WASF3: variants seen among roughly 807,000 people sequenced by gnomAD.
WASF3 encodes WASP family member 3, also known as actin-binding protein WASF3.
In WASF3, 11 loss-of-function variants were observed where a neutral mutation model predicts 46.6. The observed-to-expected ratio is 0.24, with a 90% CI of 0.15 to 0.39. The LOEUF (loss-of-function observed/expected upper bound fraction) is 0.39. WASF3 is among the 10% of genes least tolerant of loss of function. WASF3 has a pLI of 1.00. For synonymous variants in WASF3, 242 were observed against 259.7 expected (o/e 0.93, Z 0.65); for missense variants, 576 against 669.8 (o/e 0.86, Z 1.55).
At chr13:26,642,922 T>A (rs1882041803) in intron 3 of WASF3, among the ~76,000 whole-genome samples, 1 of 152,216 alleles carries the variant, frequency 6.6e-6, no homozygotes, top group African/African-American at 2.4e-5. Context: ...AAAGTTAAAA[T>A]GCAGATACTG....
At chr13:26,627,381 T>C (rs1166401937) in intron 2 of WASF3, among the ~76,000 whole-genome samples, 1 of 152,108 alleles carries the variant, frequency 6.6e-6, no homozygotes, top group Non-Finnish European at 1.5e-5. Flanking sequence ...GGGTAATATA[T>C]AAAATCAGAG....
At chr13:26,576,278 T>C (rs1004751072) in intron 1 of WASF3, among the ~76,000 whole-genome samples, 1 of 152,182 alleles carries the variant, frequency 6.6e-6, no homozygotes, top group Non-Finnish European at 1.5e-5. Context: ...CTATGACTTT[T>C]TCTTTCTTTT....
chr13:26,546,889 A>C, the WASF3 span, among the ~76,000 whole-genome samples: 1 of 152,172 alleles, frequency 6.6e-6, no homozygotes, highest in Non-Finnish European at 1.5e-5. Context: ...CATGCTCCCT[A>C]TACTTCACCT....
chr13:26,607,930 C>A (rs1880851216), intron 1 of WASF3, among the ~76,000 whole-genome samples: 1 of 152,130 alleles, frequency 6.6e-6, no homozygotes. Flanking sequence ...GCCACCGTAC[C>A]CAGCTGAGTT....
intron 2 of WASF3, 88 bp downstream of exon 2, chr13:26,613,146 T>A (rs1173748823): frequency 6.6e-6 from 1 of 150,698 alleles, no homozygotes; most frequent in African/African-American, 2.4e-5. Flanking sequence ...TAGCATAAAA[T>A]ATTCTAATAT....
At chr13:26,641,067 T>A (rs1473856003) in intron 2 of WASF3, 2 of 152,170 alleles carry the variant, frequency 1.3e-5, no homozygotes, top group African/African-American at 2.4e-5. Context: ...GATTTAGTAT[T>A]CCTGTTTCCA....
At chr13:26,575,749 G>C (rs747984184) in intron 1 of WASF3, among the ~76,000 whole-genome samples, 1 of 152,118 alleles carries the variant, frequency 6.6e-6, no homozygotes, top group African/African-American at 2.4e-5. Flanking sequence ...TTTGAGACAG[G>C]TTCTAGAATG....
At chr13:26,675,078 G>A (rs1189011329) in intron 6 of WASF3, among the ~76,000 whole-genome samples, 2 of 152,120 alleles carry the variant, frequency 1.3e-5, no homozygotes, top group Admixed American at 6.5e-5. Context: ...GCCACCTGCT[G>A]TTCTTTCACC....
intron 3 of WASF3, among the ~76,000 whole-genome samples, chr13:26,660,452 G>T (rs1882597945): frequency 6.6e-6 from 1 of 151,958 alleles, no homozygotes; most frequent in African/African-American, 2.4e-5. Context: ...CTGAGAACTG[G>T]CCCTTGACTT....
intron 3 of WASF3, among the ~76,000 whole-genome samples, chr13:26,642,986 C>T (rs17546732): frequency 0.14 from 20,891 of 151,986 alleles, 1,596 homozygotes; most frequent in South Asian, 0.2. Flanking sequence ...TATGGTACCA[C>T]GTATATATTG....
At chr13:26,676,482 G>T (rs902076416) in intron 6 of WASF3, 67 bp from the exon 7 acceptor site, 4 of 1,551,366 alleles carry the variant, frequency 2.6e-6, no homozygotes, top group Admixed American at 1.9e-5. Context: ...CATTATAACT[G>T]CATTTAACCA....
intron 1 of WASF3, among the ~76,000 whole-genome samples, chr13:26,598,014 A>G (rs1307064475): frequency 1.3e-5 from 2 of 152,180 alleles, no homozygotes; most frequent in Non-Finnish European, 2.9e-5. Context: ...TGGTATTTCT[A>G]GTTCAAGATC....
intron 2 of WASF3, among the ~76,000 whole-genome samples, chr13:26,617,847 T>C (rs1273215826): frequency 6.6e-6 from 1 of 152,066 alleles, no homozygotes; most frequent in Non-Finnish European, 1.5e-5. Flanking sequence ...TCCCCCATGA[T>C]GTTCTTGTGA....
intron 1 of WASF3, among the ~76,000 whole-genome samples, chr13:26,579,276 A>G (rs139382528): frequency 2.6e-3 from 401 of 152,154 alleles, no homozygotes; most frequent in African/African-American, 8.4e-3. Flanking sequence ...ACTAGATTAA[A>G]ATACAAAAGT....
intron 9 of WASF3, among the ~76,000 whole-genome samples, chr13:26,684,667 T>C (rs1295756341): frequency 2.0e-5 from 3 of 152,190 alleles, no homozygotes; most frequent in Admixed American, 2.0e-4. Context: ...TGAACTATTT[T>C]AGGGGTAAAG....
Position 26,624,546 on chromosome 13 carries a change from G to A in WASF3, c.-11+11488G>A, listed in dbSNP as rs547932345. 2.2e-4 allele frequency among the ~76,000 whole-genome samples: 34 copies of A among 152,160 alleles called. 1 individual carries two copies. The highest frequency in any genetic ancestry group is 7.7e-4 in the African/African-American group (32 of 41,514). On this transcript the variant is annotated intron_variant, in intron 2 of 9. Transcript: ENST00000335327. ...ACTGTCCAGAAAAAAATACTAGAAG[G>A]CACAGTTGCTGAGAATTATCCCAAA...
intron 3 of WASF3, among the ~76,000 whole-genome samples, chr13:26,652,596 C>T (rs1184358222): frequency 1.3e-5 from 2 of 152,052 alleles, no homozygotes; most frequent in Admixed American, 6.5e-5. Flanking sequence ...TACACCAAAA[C>T]GGGACATCTG....
Position 26,676,687 on chromosome 13 carries a change from G to A in WASF3, c.679G>A (p.Gly227Arg), listed in dbSNP as rs751195518. 8.1e-6 allele frequency: 13 copies of A among 1,613,938 alleles called. No homozygotes were observed. The highest frequency in any genetic ancestry group is 4.5e-5 in the East Asian group (2 of 44,886). Residue 227 changes from glycine (G) to arginine (R), a missense_variant, in exon 7 of 10, where the codon GGA becomes AGA. Transcript: ENST00000335327. ...CAGGTTGTCTCAGAGTGTGTACCAT[G>A]GAGCGTCTTCCGAGGGATCCCTGTC... ...DNRLSQSVYH[G>R]ASSEGSLSPD...
chr13:26,598,113 C>T (rs922674143), intron 1 of WASF3, among the ~76,000 whole-genome samples: 1 of 152,202 alleles, frequency 6.6e-6, no homozygotes, highest in Admixed American at 6.5e-5. Context: ...TTCTCCACAT[C>T]CTCTCCAGCA....
Sources: allele counts gnomAD v4.1 joint callset (sites outside exome capture counted in the v4.1 genomes callset), GRCh38; gene constraint gnomAD v4.1.1; transcripts MANE v1.5; gene names NCBI Gene and HGNC (gene_info 2026-07-23, HGNC 2026-07-21).